Variants in FAM178B observed in about 807,000 individuals in gnomAD.
FAM178B encodes the protein protein FAM178B.
In FAM178B, 82 loss-of-function variants were observed where a neutral mutation model predicts 91.7. The ratio of observed to expected loss-of-function variants is 0.89; its 90% CI spans 0.75 to 1.07. FAM178B has a LOEUF of 1.07. FAM178B is among the 50% of genes least tolerant of loss of function. The pLI is 0.00. For missense variants in FAM178B, 769 were observed against 846.7 expected (o/e 0.91, Z 1.14); for synonymous variants, 368 against 359.4 (o/e 1.02, Z -0.27).
chr2:96,952,122 A>C (rs1403713778), intron 6 of FAM178B, among the ~76,000 whole-genome samples: 1 of 152,180 alleles, frequency 6.6e-6, no homozygotes, highest in East Asian at 1.9e-4. Context: ...GTGAGGAGTG[A>C]GGCCAGGAGT....
At chr2:96,923,649 G>A (rs1055592842) in intron 9 of FAM178B, 66 bp from the exon 10 acceptor site, 13 of 1,211,106 alleles carry the variant, frequency 1.1e-5, no homozygotes, top group Admixed American at 4.0e-5. Flanking sequence ...GGAGTGAGGC[G>A]CAAAGTGGGA....
rs757900347 is a variant in FAM178B, at chr2:96,878,048, G to A, written c.1855-6C>T. 3 of 1,606,034 alleles carry A rather than the reference G, an allele frequency of 1.9e-6. No homozygotes were observed. In the South Asian group the frequency reaches 3.3e-5, roughly 18 times the overall value. ...CACAGCAGCTGCAGCTCGCCCTGTG[G>A]AGGCGGAGGGAGGCCAAGAAGCGGG... On this transcript the variant is annotated splice_region_variant and splice_polypyrimidine_tract_variant and intron_variant, in intron 15 of 16. Transcript: ENST00000490605.
intron 1 of FAM178B, among the ~76,000 whole-genome samples, chr2:96,985,839 G>T (rs1385621952): frequency 6.6e-6 from 1 of 152,162 alleles, no homozygotes; most frequent in African/African-American, 2.4e-5. Flanking sequence ...CAAAGAAAAC[G>T]GTCTCCAGCA....
At chr2:96,984,001 C>T (rs759776378) in intron 1 of FAM178B, among the ~76,000 whole-genome samples, 7 of 151,766 alleles carry the variant, frequency 4.6e-5, no homozygotes, top group South Asian at 2.1e-4. Context: ...AAGACAGTTT[C>T]GCTTATTGCC....
At chr2:96,949,991 G>T (rs775428928) in intron 7 of FAM178B, 2 of 985,794 alleles carry the variant, frequency 2.0e-6, no homozygotes, top group Non-Finnish European at 2.4e-6. Context: ...CTGACCTCAG[G>T]GCTGGGTCCT....
chr2:96,903,655 G>A (rs1388653267), intron 12 of FAM178B, among the ~76,000 whole-genome samples: 3 of 152,224 alleles, frequency 2.0e-5, no homozygotes, highest in Non-Finnish European at 4.4e-5. Context: ...GAATCAGGAA[G>A]AGGAAGCCAC....
chr2:96,890,771 A>C (rs1298319771), intron 14 of FAM178B, among the ~76,000 whole-genome samples: 1 of 152,058 alleles, frequency 6.6e-6, no homozygotes, highest in African/African-American at 2.4e-5. Context: ...TTAGAGGCCA[A>C]CTCTAAGTAT....
Position 96,970,720 on chromosome 2 carries a change from TCTC to T in FAM178B, c.619_621del (p.Glu207del), listed in dbSNP as rs1312726599. ...CAGGCCACGCCCTGTGCTCACCTCTTCTCCTGCAGTAAGTAGTCCAGGTTGTTG... is the reference window on the plus strand; with the variant it reads ...CAGGCCACGCCCTGTGCTCACCTCTTCTGCAGTAAGTAGTCCAGGTTGTTG... On this transcript the variant is annotated inframe_deletion, in exon 4 of 17. Transcript: ENST00000490605. The T allele has an allele frequency of 2.6e-5, 41 of 1,550,734 alleles. No homozygotes were observed. The highest frequency in any genetic ancestry group is 3.5e-5 in the Non-Finnish European group (40 of 1,146,518).
intron 5 of FAM178B, among the ~76,000 whole-genome samples, chr2:96,963,379 T>A (rs2082106665): frequency 6.6e-6 from 1 of 152,260 alleles, no homozygotes; most frequent in Non-Finnish European, 1.5e-5. Context: ...AAAGTGCTCT[T>A]GCCGAGGAAG....
chr2:96,923,416 C>T, intron 10 of FAM178B, 74 bp downstream of exon 10: 1 of 1,195,142 alleles, frequency 8.4e-7, no homozygotes, highest in East Asian at 2.6e-5. Context: ...CGTGATGCTC[C>T]TGGAATTTAG....
intron 8 of FAM178B, among the ~76,000 whole-genome samples, chr2:96,934,904 T>G (rs1258656240): frequency 2.0e-5 from 3 of 152,192 alleles, no homozygotes; most frequent in African/African-American, 7.2e-5. Flanking sequence ...TAACCAACTC[T>G]GCACCCGCCA....
At chr2:96,901,417 GCC>G (rs2080930195) in intron 13 of FAM178B, among the ~76,000 whole-genome samples, 1 of 151,670 alleles carries the variant, frequency 6.6e-6, no homozygotes, top group Non-Finnish European at 1.5e-5. Flanking sequence ...CAAGTGATCC[GCC>G]CACCTCGGCC....
At chr2:96,887,039 C>T (rs1263804811) in intron 14 of FAM178B, among the ~76,000 whole-genome samples, 1 of 152,082 alleles carries the variant, frequency 6.6e-6, no homozygotes, top group Non-Finnish European at 1.5e-5. Flanking sequence ...ATGGTGAAAC[C>T]CCATCTCTAC....
At chr2:96,943,160 T>C (rs1346379199) in intron 8 of FAM178B, among the ~76,000 whole-genome samples, 2 of 152,190 alleles carry the variant, frequency 1.3e-5, no homozygotes, top group Admixed American at 6.5e-5. Flanking sequence ...AATTTTAAAA[T>C]TTTGTACATC....
intron 5 of FAM178B, among the ~76,000 whole-genome samples, chr2:96,962,154 T>C (rs755577639): frequency 2.6e-5 from 4 of 151,930 alleles, no homozygotes; most frequent in Non-Finnish European, 4.4e-5. Context: ...ATACAAAAAT[T>C]AGCTGGGCGT....
At chr2:96,955,434 C>T (rs1007554326) in intron 6 of FAM178B, among the ~76,000 whole-genome samples, 1 of 152,028 alleles carries the variant, frequency 6.6e-6, no homozygotes, top group Non-Finnish European at 1.5e-5. Flanking sequence ...TGGCGTGAAC[C>T]CAGGAGGCGG....
chr2:96,977,452 ATTTTTTTTT>A (rs558867160), intron 1 of FAM178B, among the ~76,000 whole-genome samples: 1 of 135,416 alleles, frequency 7.4e-6, no homozygotes, highest in Non-Finnish European at 1.6e-5. Context: ...CCTTTTGGGA[ATTTTTTTTT>A]TTTTTTTTTG....
intron 14 of FAM178B, among the ~76,000 whole-genome samples, chr2:96,881,705 T>C (rs1045037251): frequency 7.3e-6 from 1 of 136,912 alleles, no homozygotes; most frequent in Non-Finnish European, 1.6e-5. Flanking sequence ...ACAACTTGTT[T>C]CTTATGCTAA....
chr2:96,948,390 G>A (rs1459601107), intron 7 of FAM178B, among the ~76,000 whole-genome samples: 1 of 152,236 alleles, frequency 6.6e-6, no homozygotes, highest in Non-Finnish European at 1.5e-5. Flanking sequence ...GAGACCACCA[G>A]CTTAGACGGT....
Sources: gnomAD v4.1 joint callset for allele counts (sites outside exome capture counted in the v4.1 genomes callset) on GRCh38, gnomAD v4.1.1 for gene constraint, MANE v1.5 for transcripts, NCBI Gene and HGNC (gene_info 2026-07-23, HGNC 2026-07-21) for gene names.